UBE2E2: variants seen among roughly 807,000 people sequenced by gnomAD.
The protein encoded by UBE2E2 is ubiquitin-conjugating enzyme E2 E2.
A neutral mutation model predicts 24.7 loss-of-function variants in UBE2E2; 6 were observed. The ratio of observed to expected loss-of-function variants is 0.24; its 90% CI spans 0.13 to 0.48. The LOEUF (loss-of-function observed/expected upper bound fraction) is 0.48. Ranked by LOEUF, UBE2E2 falls within the 20% of genes least tolerant of loss-of-function variation. The pLI is 0.99. For synonymous variants in UBE2E2, 104 were observed against 83.6 expected (o/e 1.24, Z -1.33); for missense variants, 169 against 245.0 (o/e 0.69, Z 2.07).
intron 3 of UBE2E2, among the ~76,000 whole-genome samples, chr3:23,410,667 G>T (rs1042704668): frequency 6.6e-6 from 1 of 152,166 alleles, no homozygotes; most frequent in Admixed American, 6.6e-5. Context: ...AAAAACAAGT[G>T]TATGTAGAAG....
chr3:23,577,064 A>T (rs778744950), intron 5 of UBE2E2, among the ~76,000 whole-genome samples: 1 of 151,834 alleles, frequency 6.6e-6, no homozygotes, highest in African/African-American at 2.4e-5. Context: ...TATATCCTTT[A>T]TGGTGATCTG....
At chr3:23,446,700 T>TG (rs1698437510) in intron 3 of UBE2E2, among the ~76,000 whole-genome samples, 1 of 30,462 alleles carries the variant, frequency 3.3e-5, no homozygotes, top group Non-Finnish European at 6.1e-5. Flanking sequence ...GTCTGTTTGG[T>TG]TTTTTTTTTT....
chr3:23,259,892 A>G (rs1697851496), intron 3 of UBE2E2, among the ~76,000 whole-genome samples: 1 of 152,242 alleles, frequency 6.6e-6, no homozygotes, highest in Non-Finnish European at 1.5e-5. Context: ...GGATGGAAAC[A>G]CATGGAATTA....
intron 5 of UBE2E2, among the ~76,000 whole-genome samples, chr3:23,535,072 C>T (rs968972860): frequency 3.9e-5 from 6 of 152,164 alleles, no homozygotes; most frequent in Non-Finnish European, 8.8e-5. Context: ...TCCTTATCAG[C>T]ATGATATTTG....
At chr3:23,301,634 C>A (rs948207207) in intron 3 of UBE2E2, among the ~76,000 whole-genome samples, 1 of 152,280 alleles carries the variant, frequency 6.6e-6, no homozygotes, top group Non-Finnish European at 1.5e-5. Context: ...TCTGATCGTT[C>A]CTCTGGAAGT....
chr3:23,221,379 A>G (rs1464580340), intron 3 of UBE2E2, among the ~76,000 whole-genome samples: 1 of 152,118 alleles, frequency 6.6e-6, no homozygotes, highest in Non-Finnish European at 1.5e-5. Flanking sequence ...TGTAATCATC[A>G]CAGTCTGTTT....
rs144308667 is a variant in UBE2E2 at position 23,590,142 on chromosome 3, A to T, written c.*311A>T. Reference sequence around the variant, plus strand: ...CAGTGCAAACAATGTTGGAGCTGTAATAGTAAGAGCTTTCTTACAAAGCTT... The same window carrying T: ...CAGTGCAAACAATGTTGGAGCTGTATTAGTAAGAGCTTTCTTACAAAGCTT... On this transcript the variant is annotated 3_prime_UTR_variant, in exon 6 of 6. Transcript: ENST00000396703. 6.5e-3 allele frequency: 1,746 copies of T among 268,044 alleles called. 8 individuals are homozygous for T. The highest frequency in any genetic ancestry group is 7.8e-3 in the Non-Finnish European group (1,111 of 143,018). The allele number at this position is 268,044 out of a possible 1,614,324, so 16.6% of individuals were successfully genotyped here.
rs186866848 is a variant in UBE2E2, at chr3:23,279,526, G to T, written c.227+62214G>T. 7.2e-4 allele frequency among the ~76,000 whole-genome samples: 110 copies of T among 152,270 alleles called. 1 individual carries two copies. Among genetic ancestry groups the T allele is most frequent in the African/African-American group, 2.6e-3 (107 of 41,562 alleles). On this transcript the variant is annotated intron_variant, in intron 3 of 5. Transcript: ENST00000396703. ...ACATTCTATATTCACTTTGGGGTGG[G>T]GTTTTAACATTAAAATGAGGAGGAA...
intron 3 of UBE2E2, among the ~76,000 whole-genome samples, chr3:23,334,306 T>A (rs962516610): frequency 2.6e-5 from 4 of 151,008 alleles, no homozygotes; most frequent in Non-Finnish European, 4.4e-5. Context: ...TTTATTGTAT[T>A]TTTTTTTTGA....
chr3:23,260,963 C>T (rs562506139), intron 3 of UBE2E2, among the ~76,000 whole-genome samples: 13 of 152,082 alleles, frequency 8.5e-5, no homozygotes, highest in Middle Eastern at 3.4e-3. Context: ...ATTACCTGGG[C>T]GTGGTGGCAT....
chr3:23,237,498 T>C (rs1408815496), intron 3 of UBE2E2, among the ~76,000 whole-genome samples: 3 of 152,184 alleles, frequency 2.0e-5, no homozygotes, highest in Non-Finnish European at 4.4e-5. Context: ...TGTAGAAGCC[T>C]CATCAGCTGG....
At chr3:23,560,348 A>G (rs1695895946) in intron 5 of UBE2E2, among the ~76,000 whole-genome samples, 1 of 152,002 alleles carries the variant, frequency 6.6e-6, no homozygotes, top group Admixed American at 6.6e-5. Flanking sequence ...TAGTTTGCTC[A>G]GAATGATGGT....
chr3:23,227,891 G>GAT (rs1292754197), intron 3 of UBE2E2, among the ~76,000 whole-genome samples: 1 of 152,116 alleles, frequency 6.6e-6, no homozygotes, highest in Non-Finnish European at 1.5e-5. Flanking sequence ...TAATTTTTAA[G>GAT]ATGAGCTCCT....
chr3:23,460,746 A>T (rs1698790820), intron 3 of UBE2E2, among the ~76,000 whole-genome samples: 1 of 152,214 alleles, frequency 6.6e-6, no homozygotes, highest in African/African-American at 2.4e-5. Flanking sequence ...ATGCCAAGGC[A>T]GGAGGAATTG....
At chr3:23,564,985 G>A (rs971085012) in intron 5 of UBE2E2, among the ~76,000 whole-genome samples, 4 of 152,130 alleles carry the variant, frequency 2.6e-5, no homozygotes, top group African/African-American at 9.7e-5. Flanking sequence ...CATTGTGCTA[G>A]GTACTTTACA....
chr3:23,432,926 C>A (rs1172571550), intron 3 of UBE2E2, among the ~76,000 whole-genome samples: 1 of 151,548 alleles, frequency 6.6e-6, no homozygotes, highest in Non-Finnish European at 1.5e-5. Flanking sequence ...ATAGACACTT[C>A]GATATCATGA....
chr3:23,515,120 G>GGTGTGT (rs58387270), intron 4 of UBE2E2, among the ~76,000 whole-genome samples: 7 of 148,116 alleles, frequency 4.7e-5, no homozygotes, highest in South Asian at 2.2e-4. Context: ...ATAAACTTGG[G>GGTGTGT]GTGTGTGTGT....
At chr3:23,485,382 C>T (rs1315543871) in intron 3 of UBE2E2, among the ~76,000 whole-genome samples, 1 of 152,142 alleles carries the variant, frequency 6.6e-6, no homozygotes, top group Non-Finnish European at 1.5e-5. Flanking sequence ...CAGGCATGAG[C>T]CTCCACGCCT....
chr3:23,347,874 T>G (rs1695609712), intron 3 of UBE2E2, among the ~76,000 whole-genome samples: 1 of 152,128 alleles, frequency 6.6e-6, no homozygotes, highest in African/African-American at 2.4e-5. Flanking sequence ...AGAAAATATC[T>G]TGCACTTATC....
Sources: gnomAD v4.1 joint callset for allele counts (sites outside exome capture counted in the v4.1 genomes callset) on GRCh38, gnomAD v4.1.1 for gene constraint, MANE v1.5 for transcripts, NCBI Gene and HGNC (gene_info 2026-07-23, HGNC 2026-07-21) for gene names.